ERC2: variants seen among roughly 807,000 people sequenced by gnomAD.
The protein encoded by ERC2 is ELKS/RAB6-interacting/CAST family member 2.
A neutral mutation model predicts 114.8 loss-of-function variants in ERC2; 42 were observed. The ratio of observed to expected loss-of-function variants is 0.37; its 90% CI spans 0.29 to 0.47. The LOEUF (loss-of-function observed/expected upper bound fraction) is 0.47. Among genes scored for constraint, ERC2 ranks in the 20% least tolerant of loss-of-function variants. The pLI is 0.99. For missense variants in ERC2, 939 were observed against 1,150.7 expected (o/e 0.82, Z 2.66); for synonymous variants, 454 against 425.5 (o/e 1.07, Z -0.82).
intron 13 of ERC2, among the ~76,000 whole-genome samples, chr3:55,899,238 A>G (rs1475178561): frequency 6.6e-6 from 1 of 152,220 alleles, no homozygotes; most frequent in Non-Finnish European, 1.5e-5. Context: ...TAAATTCAGT[A>G]TAACTAATGA....
chr3:56,354,516 C>G (rs1461348902), intron 2 of ERC2, among the ~76,000 whole-genome samples: 3 of 152,092 alleles, frequency 2.0e-5, no homozygotes, highest in Non-Finnish European at 4.4e-5. Context: ...CAGGGCAGTC[C>G]CCCATAACAA....
At chr3:55,691,381 G>T (rs1200868550) in intron 16 of ERC2, among the ~76,000 whole-genome samples, 1 of 151,474 alleles carries the variant, frequency 6.6e-6, no homozygotes, top group Non-Finnish European at 1.5e-5. Context: ...ACTGGCCCAG[G>T]AGTGGCAACG....
intron 1 of ERC2, among the ~76,000 whole-genome samples, chr3:56,449,050 G>GGGCAACAGA (rs147080685): frequency 0.036 from 5,342 of 147,872 alleles, 252 homozygotes; most frequent in African/African-American, 0.1. Flanking sequence ...ACTCCAGCCT[G>GGGCAACAGA]GGCAACAGAG....
chr3:56,163,567 C>T (rs1034018558), intron 4 of ERC2, among the ~76,000 whole-genome samples: 16 of 151,954 alleles, frequency 1.1e-4, no homozygotes, highest in African/African-American at 3.9e-4. Context: ...TGGGTACATA[C>T]ATTTTTAGGT....
intron 5 of ERC2, among the ~76,000 whole-genome samples, chr3:56,146,263 G>A (rs1008156211): frequency 6.6e-6 from 1 of 152,058 alleles, no homozygotes; most frequent in East Asian, 1.9e-4. Flanking sequence ...CCCCAGCCTG[G>A]GTGACAGAGT....
At chr3:56,048,727 A>G (rs2075609885) in intron 7 of ERC2, among the ~76,000 whole-genome samples, 1 of 152,220 alleles carries the variant, frequency 6.6e-6, no homozygotes, top group Non-Finnish European at 1.5e-5. Context: ...TAACCTCTGC[A>G]GACCTGGTGA....
chr3:55,960,781 A>G (rs2068302160), intron 12 of ERC2, among the ~76,000 whole-genome samples: 1 of 152,182 alleles, frequency 6.6e-6, no homozygotes, highest in South Asian at 2.1e-4. Context: ...AAAGTATACA[A>G]ATAGATTATA....
chr3:56,352,280 G>A (rs1432883911), intron 2 of ERC2, among the ~76,000 whole-genome samples: 1 of 152,152 alleles, frequency 6.6e-6, no homozygotes, highest in Non-Finnish European at 1.5e-5. Context: ...GTGGGGATGG[G>A]GGAAAGTGAA....
At chr3:56,024,238 C>A (rs984583917) in intron 7 of ERC2, among the ~76,000 whole-genome samples, 1 of 152,160 alleles carries the variant, frequency 6.6e-6, no homozygotes, top group African/African-American at 2.4e-5. Flanking sequence ...GAATTATGCC[C>A]AGAGTTTTGA....
intron 13 of ERC2, among the ~76,000 whole-genome samples, chr3:55,901,013 G>A (rs914211435): frequency 6.6e-6 from 1 of 152,178 alleles, no homozygotes; most frequent in Admixed American, 6.5e-5. Flanking sequence ...AGAAGTGTTA[G>A]AGGGGACTCT....
intron 6 of ERC2, among the ~76,000 whole-genome samples, chr3:56,100,548 C>G (rs1233667418): frequency 1.3e-5 from 2 of 152,216 alleles, no homozygotes; most frequent in African/African-American, 2.4e-5. Context: ...AATAACCCTG[C>G]TGGGAAAAGA....
intron 13 of ERC2, among the ~76,000 whole-genome samples, chr3:55,900,167 T>A (rs2064057351): frequency 6.6e-6 from 1 of 152,224 alleles, no homozygotes; most frequent in Admixed American, 6.5e-5. Context: ...CAACAGTAAT[T>A]CCTGCCGCCT....
At chr3:55,999,583 C>T (rs1460436067) in intron 10 of ERC2, among the ~76,000 whole-genome samples, 3 of 151,716 alleles carry the variant, frequency 2.0e-5, no homozygotes, top group Non-Finnish European at 2.9e-5. Context: ...AAAGAAATTT[C>T]CTAGCTATGA....
At chr3:55,941,231 C>T (rs1248200750) in intron 13 of ERC2, among the ~76,000 whole-genome samples, 1 of 152,020 alleles carries the variant, frequency 6.6e-6, no homozygotes, top group Non-Finnish European at 1.5e-5. Context: ...TTGCGTGTAC[C>T]TGCCATGGGT....
intron 17 of ERC2, chr3:55,647,249 T>C (rs962058443): frequency 6.6e-6 from 1 of 151,294 alleles, no homozygotes; most frequent in African/African-American, 2.5e-5. Context: ...TACTACAAAG[T>C]CTACACTCGC....
At chr3:56,211,710 G>A (rs909988798) in intron 3 of ERC2, among the ~76,000 whole-genome samples, 1 of 152,018 alleles carries the variant, frequency 6.6e-6, no homozygotes, top group African/African-American at 2.4e-5. Flanking sequence ...TATTCTATAG[G>A]GCCATAGTCA....
At position 55,737,831 on chromosome 3, in the gene ERC2, T is replaced by C. The variant is rs1056731393; in HGVS notation, c.2565-2913A>G. ...AAGGCCGTTTGTATAGTGACTAGCTTTGAAAGACAGAGGTGGTATTTCTTT... is the reference window on the plus strand; with the variant it reads ...AAGGCCGTTTGTATAGTGACTAGCTCTGAAAGACAGAGGTGGTATTTCTTT... On this transcript the variant is annotated intron_variant, in intron 14 of 17. Transcript: ENST00000288221. Among the ~76,000 whole-genome samples the C allele has an allele frequency of 2.0e-5, 3 of 152,182 alleles. 1 individual carries two copies. The South Asian group carries it at 6.2e-4, about 32-fold the overall frequency.
At chr3:55,929,026 C>T (rs989983926) in intron 13 of ERC2, among the ~76,000 whole-genome samples, 1 of 152,042 alleles carries the variant, frequency 6.6e-6, no homozygotes, top group Non-Finnish European at 1.5e-5. Context: ...TTGCTTTGTT[C>T]CTGCCATGGG....
intron 2 of ERC2, among the ~76,000 whole-genome samples, chr3:56,339,488 G>A (rs546561173): frequency 1.1e-4 from 17 of 152,092 alleles, no homozygotes; most frequent in Non-Finnish European, 1.2e-4. Context: ...CAGGGAGACT[G>A]GTCATAAAGG....
Sources: allele counts gnomAD v4.1 joint callset (sites outside exome capture counted in the v4.1 genomes callset), GRCh38; gene constraint gnomAD v4.1.1; transcripts MANE v1.5; gene names NCBI Gene and HGNC (gene_info 2026-07-23, HGNC 2026-07-21).